Variants in SLC24A2 observed in about 807,000 individuals in gnomAD.
SLC24A2 encodes the protein solute carrier family 24 member 2, also known as sodium/potassium/calcium exchanger 2.
SLC24A2 carries 36 observed loss-of-function variants against 62.0 expected under a neutral mutation model. The ratio of observed to expected loss-of-function variants is 0.58; its 90% CI spans 0.44 to 0.77. The LOEUF (loss-of-function observed/expected upper bound fraction) is 0.77. Among genes scored for constraint, SLC24A2 ranks in the 30% least tolerant of loss-of-function variants. The probability of loss-of-function intolerance (pLI) is 0.00; values close to 1 mark genes in which losing one functional copy is unlikely to be tolerated. For synonymous variants in SLC24A2, 358 were observed against 294.0 expected (o/e 1.22, Z -2.23); for missense variants, 846 against 817.9 (o/e 1.03, Z -0.42).
chr9:20,190,946 G>A, the SLC24A2 span, among the ~76,000 whole-genome samples: 1 of 152,176 alleles, frequency 6.6e-6, no homozygotes, highest in Admixed American at 6.5e-5. Flanking sequence ...AGTGTTAACT[G>A]TACACAATTA....
chr9:20,304,076 T>G, the SLC24A2 span, among the ~76,000 whole-genome samples: 1 of 152,172 alleles, frequency 6.6e-6, no homozygotes, highest in East Asian at 1.9e-4. Flanking sequence ...GTCTTGGGTT[T>G]TATGCTGAGT....
chr9:19,564,483 G>T (rs989350432), intron 7 of SLC24A2, among the ~76,000 whole-genome samples: 16 of 152,114 alleles, frequency 1.1e-4, no homozygotes, highest in Admixed American at 1.0e-3. Context: ...AAAATCACTT[G>T]CATATTACAC....
At position 19,510,574 on chromosome 9, in the gene SLC24A2, C is replaced by A. The variant is rs1034429355; in HGVS notation, c.*5579G>T. 3 of 152,140 alleles carry A rather than the reference C, an allele frequency of 2.0e-5. No individual in the cohort carries two copies. The highest frequency in any genetic ancestry group is 4.1e-4 in the South Asian group (2 of 4,834). The allele number at this position is 152,140 out of a possible 1,614,324, so 9.4% of individuals were successfully genotyped here. ...CCAGCATCTATGCTGGGATCTCCCC[C>A]GTAAGAGGACTGTCCTTTGGATTAG... On this transcript the variant is annotated 3_prime_UTR_variant, in exon 11 of 11. Coordinates refer to ENST00000341998, the MANE Select transcript of SLC24A2 (RefSeq NM_020344.4).
chr9:19,985,090 G>A, the SLC24A2 span, among the ~76,000 whole-genome samples: 1 of 151,664 alleles, frequency 6.6e-6, no homozygotes, highest in Admixed American at 6.6e-5. Flanking sequence ...AACAAATATT[G>A]AGGATTTAGA....
At chr9:19,875,579 A>C in the SLC24A2 span, among the ~76,000 whole-genome samples, 1 of 152,196 alleles carries the variant, frequency 6.6e-6, no homozygotes, top group Non-Finnish European at 1.5e-5. Context: ...TTTTCTTGGC[A>C]AAGAAACTTG....
chr9:19,959,554 C>T, the SLC24A2 span, among the ~76,000 whole-genome samples: 584 of 152,278 alleles, frequency 3.8e-3, 1 homozygote, highest in Non-Finnish European at 6.9e-3. Context: ...TAAATTAGCC[C>T]ATTCCTTGGC....
intron 7 of SLC24A2, among the ~76,000 whole-genome samples, chr9:19,557,748 CT>C (rs10711958): frequency 0.13 from 18,312 of 141,394 alleles, 1,234 homozygotes; most frequent in African/African-American, 0.2. Flanking sequence ...ATTTAATTGA[CT>C]TTTTTTTTTT....
At chr9:20,012,427 C>G in the SLC24A2 span, among the ~76,000 whole-genome samples, 1 of 152,150 alleles carries the variant, frequency 6.6e-6, no homozygotes, top group Admixed American at 6.5e-5. Flanking sequence ...CCCACTGGGT[C>G]CCTCCCGCAA....
intron 2 of SLC24A2, among the ~76,000 whole-genome samples, chr9:19,631,309 C>T (rs1210393090): frequency 6.6e-6 from 1 of 152,196 alleles, no homozygotes; most frequent in African/African-American, 2.4e-5. Context: ...TTCCTCCTGG[C>T]ATTTGATACT....
At chr9:19,789,270 A>G (rs990601992), upstream of SLC24A2, among the ~76,000 whole-genome samples, 2 of 152,232 alleles carry the variant, frequency 1.3e-5, no homozygotes, top group Non-Finnish European at 2.9e-5. Flanking sequence ...GAGAGGAGAA[A>G]TCGTACAGGT....
chr9:19,681,404 CATAG>C (rs1207075245), intron 2 of SLC24A2, among the ~76,000 whole-genome samples: 1 of 152,114 alleles, frequency 6.6e-6, no homozygotes, highest in Admixed American at 6.6e-5. Flanking sequence ...CATGCTTTTC[CATAG>C]CCCTTCTCAT....
At chr9:19,853,838 G>A in the SLC24A2 span, among the ~76,000 whole-genome samples, 1 of 152,174 alleles carries the variant, frequency 6.6e-6, no homozygotes, top group Non-Finnish European at 1.5e-5. Context: ...TTACGGAGGA[G>A]TCTATCCTTT....
the SLC24A2 span, among the ~76,000 whole-genome samples, chr9:19,957,185 G>C: frequency 0.24 from 36,659 of 152,042 alleles, 5,483 homozygotes; most frequent in Admixed American, 0.39. Flanking sequence ...CAGTACAAAT[G>C]ACTTCTTCCA....
chr9:19,959,333 A>G, the SLC24A2 span, among the ~76,000 whole-genome samples: 1 of 152,240 alleles, frequency 6.6e-6, no homozygotes, highest in Non-Finnish European at 1.5e-5. Context: ...ATCAGATGCC[A>G]GATGGACATG....
chr9:19,993,813 C>T, the SLC24A2 span, among the ~76,000 whole-genome samples: 4 of 152,118 alleles, frequency 2.6e-5, no homozygotes, highest in African/African-American at 4.8e-5. Context: ...CTCCCATTAC[C>T]ACTAGTAACA....
At chr9:19,915,917 T>G in the SLC24A2 span, among the ~76,000 whole-genome samples, 1 of 152,030 alleles carries the variant, frequency 6.6e-6, no homozygotes, top group Non-Finnish European at 1.5e-5. Flanking sequence ...ACATAGAAGG[T>G]TTTAAGTCCA....
the SLC24A2 span, among the ~76,000 whole-genome samples, chr9:19,859,345 G>C: frequency 6.6e-6 from 1 of 152,144 alleles, no homozygotes; most frequent in Non-Finnish European, 1.5e-5. Context: ...GGGATTACTT[G>C]AGGGTGGATG....
the SLC24A2 span, among the ~76,000 whole-genome samples, chr9:20,078,751 G>C: frequency 3.9e-5 from 6 of 152,098 alleles, no homozygotes; most frequent in Non-Finnish European, 5.9e-5. Flanking sequence ...GTAACCTAAA[G>C]AATCTTTCCT....
rs930498392 is a variant in SLC24A2, at chr9:19,511,226, G to A, written c.*4927C>T. ...GCTGGCTGTGAGTAGTTCCCTTATT[G>A]CTTTTCTTGTTTGCTATATATTTAA... On this transcript the variant is annotated 3_prime_UTR_variant, in exon 11 of 11. Transcript: ENST00000341998. 5 of 152,004 alleles carry A rather than the reference G, an allele frequency of 3.3e-5. No individual in the cohort carries two copies. The highest frequency in any genetic ancestry group is 7.2e-5 in the African/African-American group (3 of 41,412). 9.4% of individuals were successfully genotyped at this position (152,004 alleles called of 1,614,324 possible). A position where few individuals can be genotyped will look rare whatever the true frequency, so the allele number is the denominator to read the frequency against.
Sources: allele counts gnomAD v4.1 joint callset (sites outside exome capture counted in the v4.1 genomes callset), GRCh38; gene constraint gnomAD v4.1.1; transcripts MANE v1.5; gene names NCBI Gene and HGNC (gene_info 2026-07-23, HGNC 2026-07-21).